CELSR1: variants seen among roughly 807,000 people sequenced by gnomAD.
The protein encoded by CELSR1 is adhesion G protein-coupled receptor C1.
Under a neutral mutation model 249.1 loss-of-function variants are expected in CELSR1, and 110 were observed. That is an observed-to-expected ratio of 0.44 (90% CI 0.38 to 0.52). CELSR1 has a LOEUF of 0.52. CELSR1 is among the 20% of genes least tolerant of loss of function. The pLI, the probability that CELSR1 is intolerant of heterozygous loss-of-function variation, is 0.00. For missense variants in CELSR1, 4,109 were observed against 4,296.4 expected, an observed-to-expected ratio of 0.96 and a Z score of 1.22; for synonymous variants, 2,113 against 1,900.0, an observed-to-expected ratio of 1.11 and a Z score of -2.92.
chr22:46,386,640 C>T (rs550700106), intron 18 of CELSR1, 55 bp from the exon 19 acceptor site: 60 of 1,437,080 alleles, frequency 4.2e-5, no homozygotes, highest in Middle Eastern at 1.9e-4. Context: ...GCTCGTGGGA[C>T]GGAGGGACAC....
chr22:46,444,903 T>C (rs938799057), intron 2 of CELSR1, among the ~76,000 whole-genome samples: 39 of 152,188 alleles, frequency 2.6e-4, no homozygotes, highest in African/African-American at 9.4e-4. Context: ...CTCCCTCTCC[T>C]TCCTGTTATT....
At chr22:46,369,613 G>A (rs2078828230) in intron 26 of CELSR1, 79 bp downstream of exon 26, 2 of 1,361,876 alleles carry the variant, frequency 1.5e-6, no homozygotes, top group Non-Finnish European at 2.1e-6. Flanking sequence ...GGAGTTGGTG[G>A]CCCCAGCCAA....
intron 1 of CELSR1, 126 bp downstream of exon 1, chr22:46,533,501 C>G: frequency 7.2e-7 from 1 of 1,380,754 alleles, no homozygotes; most frequent in Non-Finnish European, 9.6e-7. Context: ...GGCAACAAAT[C>G]CTTGCAGAGT....
intron 1 of CELSR1, among the ~76,000 whole-genome samples, chr22:46,494,741 A>T (rs1602210092): frequency 6.6e-6 from 1 of 152,208 alleles, no homozygotes; most frequent in East Asian, 1.9e-4. Context: ...TACTGACCTC[A>T]AGTGATCCGC....
rs144895360 is a variant in CELSR1 at position 46,446,613 on chromosome 22, T to TG, written c.4184-7203dup. 2.0e-5 allele frequency among the ~76,000 whole-genome samples: 3 copies of TG among 150,458 alleles called. No homozygotes were observed. Among genetic ancestry groups the TG allele is most frequent in the Non-Finnish European group, 3.0e-5 (2 of 67,666 alleles). On this transcript the variant is annotated intron_variant, in intron 2 of 34. Coordinates refer to ENST00000674500, the MANE Select transcript of CELSR1 (RefSeq NM_001378328.1). The surrounding 1 kb of genome is among the most constrained non-coding windows in gnomAD (Gnocchi z 5.5). ...GGCAGGGAGGGTCGCAGGGGGTCGG[T>TG]GGGGGGGAAAGCTGGGTCCATAGCA...
intron 23 of CELSR1, chr22:46,377,516 C>T: frequency 1.9e-6 from 1 of 528,404 alleles, no homozygotes; most frequent in Non-Finnish European, 3.4e-6. Context: ...GGCTTGGGGG[C>T]CGTTCAGAGA....
At chr22:46,459,307 G>A (rs2079993636) in intron 2 of CELSR1, among the ~76,000 whole-genome samples, 1 of 152,164 alleles carries the variant, frequency 6.6e-6, no homozygotes, top group African/African-American at 2.4e-5. Flanking sequence ...AATGAGGTCA[G>A]GTTTCTTGTG....
At position 46,381,831 on chromosome 22, in the gene CELSR1, G is replaced by A. The variant is rs762719136; in HGVS notation, c.7088+15C>T. The stretch of plus-strand genomic sequence containing the variant: ...AGAACGGGCCCTCCCCGTGTGCCCC[G>A]TGCCCAGGCCTTACCGGAGGCTGCG... On this transcript the variant is annotated intron_variant, in intron 21 of 34. Transcript: ENST00000674500. This position sits in a 1 kb window ranked among gnomAD's most constrained non-coding sequence, Gnocchi z 6.0. The A allele has an allele frequency of 2.1e-5, 32 of 1,541,916 alleles. No homozygotes were observed. Among genetic ancestry groups the A allele is most frequent in the Middle Eastern group, 1.7e-4 (1 of 6,006 alleles).
chr22:46,436,698 A>T lies in CELSR1; in HGVS notation c.4407-409T>A, dbSNP rs961320226. The stretch of plus-strand genomic sequence containing the variant: ...GGACCTGGTACCTTCCCAGGCAGGG[A>T]TGATGCTATGGAAGGACCATTCTTA... On this transcript the variant is annotated intron_variant, in intron 3 of 34. Transcript: ENST00000674500. The surrounding 1 kb of genome is among the most constrained non-coding windows in gnomAD (Gnocchi z 5.9). Among the ~76,000 whole-genome samples the T allele has an allele frequency of 2.0e-5, 3 of 152,058 alleles. No individual in the cohort carries two copies. Among genetic ancestry groups the T allele is most frequent in the African/African-American group, 7.2e-5 (3 of 41,380 alleles).
At chr22:46,511,416 A>G (rs1038490960) in intron 1 of CELSR1, among the ~76,000 whole-genome samples, 17 of 152,102 alleles carry the variant, frequency 1.1e-4, no homozygotes, top group Non-Finnish European at 2.5e-4. Flanking sequence ...CGGGACCAAC[A>G]CGTGTGTCAA....
Position 46,398,923 on chromosome 22 carries a change from C to T in CELSR1, c.5413-286G>A, listed in dbSNP as rs1168883791. On this transcript the variant is annotated intron_variant, in intron 10 of 34. Coordinates refer to ENST00000674500, the MANE Select transcript of CELSR1 (RefSeq NM_001378328.1). This position sits in a 1 kb window ranked among gnomAD's most constrained non-coding sequence, Gnocchi z 7.2. ...GCAACTGTCCCGCCTCCGTCAAGGG[C>T]ACAACACTAAACCAGCCACGCTGTG... Among the ~76,000 whole-genome samples the T allele has an allele frequency of 6.6e-6, 1 of 152,200 alleles. No homozygotes were observed. The highest frequency in any genetic ancestry group is 1.5e-5 in the Non-Finnish European group (1 of 68,032).
intron 27 of CELSR1, 63 bp downstream of exon 27, chr22:46,369,116 C>A: frequency 6.5e-7 from 1 of 1,536,960 alleles, no homozygotes; most frequent in Non-Finnish European, 9.0e-7. Flanking sequence ...CCCGCAGAGA[C>A]TGGACGTCGG....
chr22:46,513,765 G>T lies in CELSR1; in HGVS notation c.3544+19862C>A, dbSNP rs78804481. On this transcript the variant is annotated intron_variant, in intron 1 of 34. Coordinates refer to ENST00000674500, the MANE Select transcript of CELSR1 (RefSeq NM_001378328.1). ...TTGGAATATGGCCCAGAAGCTCAAA[G>T]CCATAGATAAGTTTATTAATACTTT... Among the ~76,000 whole-genome samples, 1,049 of 152,222 alleles carry T rather than the reference G, an allele frequency of 6.9e-3. 6 individuals are homozygous for T. Among genetic ancestry groups the T allele is most frequent in the Non-Finnish European group, 0.013 (866 of 68,006 alleles).
In CELSR1 at chr22:46,372,894, G is replaced by A; in HGVS notation, c.7748C>T (p.Ala2583Val). Residue 2583 changes from alanine to valine, a missense_variant, in exon 25 of 35, where the codon GCC (alanine) becomes GTC (valine). Physicochemically the swap from Ala to Val is moderately conservative, Grantham distance 64. This residue lies in a region of CELSR1 where 1,805 missense variants were observed against 1,831.6 expected (regional missense o/e 0.99). Coordinates refer to ENST00000674500, the MANE Select transcript of CELSR1 (RefSeq NM_001378328.1). The part of the protein sequence containing the change: ...FYYVVGWGIP[A>V]IVTGLAVGLD... ...CTGTGCATCCTCACCTGTGACAATGGCCGGGATGCCCCAGCCCACGACGTA... is the reference window on the plus strand; with the variant it reads ...CTGTGCATCCTCACCTGTGACAATGACCGGGATGCCCCAGCCCACGACGTA... The A allele has an allele frequency of 1.2e-6, 2 of 1,606,720 alleles. No individual in the cohort carries two copies. Among genetic ancestry groups the A allele is most frequent in the African/African-American group, 1.3e-5 (1 of 74,938 alleles).
rs1469758401 is a variant in CELSR1, at chr22:46,440,784, C to G, written c.4184-1373G>C. 6.6e-6 allele frequency among the ~76,000 whole-genome samples: 1 copy of G among 152,198 alleles called. No homozygotes were observed. The highest frequency in any genetic ancestry group is 2.4e-5 in the African/African-American group (1 of 41,446). On this transcript the variant is annotated intron_variant, in intron 2 of 34. Transcript: ENST00000674500. The surrounding 1 kb of genome is among the most constrained non-coding windows in gnomAD (Gnocchi z 4.7). ...TAGGTTTTATGTATTTGTAGCCCCA[C>G]AGAAATTTTTTGTCTGTATGTGATC... is the stretch of plus-strand genomic sequence containing the variant.
chr22:46,459,002 C>G (rs1461497603), intron 2 of CELSR1, among the ~76,000 whole-genome samples: 3 of 152,130 alleles, frequency 2.0e-5, no homozygotes, highest in Non-Finnish European at 4.4e-5. Flanking sequence ...AAGCGATTCT[C>G]CTGCTTCAGC....
chr22:46,419,473 G>A (rs2079440232), intron 5 of CELSR1, among the ~76,000 whole-genome samples: 1 of 152,138 alleles, frequency 6.6e-6, no homozygotes, highest in Non-Finnish European at 1.5e-5. Flanking sequence ...AGCGGGACAA[G>A]GAGGAACGCA....
At chr22:46,502,458 G>A (rs1371771893) in intron 1 of CELSR1, among the ~76,000 whole-genome samples, 1 of 146,156 alleles carries the variant, frequency 6.8e-6, no homozygotes, top group Admixed American at 6.9e-5. Context: ...GGAAAGAAGA[G>A]GGAAGGGGAA....
chr22:46,472,364 G>A lies in CELSR1; in HGVS notation c.3545-8019C>T, dbSNP rs1168981921. Among the ~76,000 whole-genome samples the A allele has an allele frequency of 6.6e-6, 1 of 152,206 alleles. No individual in the cohort carries two copies. The highest frequency in any genetic ancestry group is 1.5e-5 in the Non-Finnish European group (1 of 68,034). ...GGGCTCATGCTGTGGGGCAGTGGGG[G>A]CAGAGGTCACATCATGGCCCTCAAG... On this transcript the variant is annotated intron_variant, in intron 1 of 34. Coordinates refer to ENST00000674500, the MANE Select transcript of CELSR1 (RefSeq NM_001378328.1). The surrounding 1 kb of genome is among the most constrained non-coding windows in gnomAD (Gnocchi z 7.0).
Sources: allele counts gnomAD v4.1 joint callset (sites outside exome capture counted in the v4.1 genomes callset), GRCh38; gene constraint gnomAD v4.1.1; regional missense constraint gnomAD v4.1.1; non-coding constraint Gnocchi (gnomAD v3.1); transcripts MANE v1.5; gene names NCBI Gene and HGNC (gene_info 2026-07-23, HGNC 2026-07-21).